The following COL22A1 variants were observed in gnomAD, a reference collection of about 807,000 sequenced individuals.
COL22A1 encodes collagen type XXII alpha 1 chain, also known as collagen alpha-1(XXII) chain.
A neutral mutation model predicts 248.9 loss-of-function variants in COL22A1; 221 were observed. That is an observed-to-expected ratio of 0.89 (90% CI 0.80 to 0.99). COL22A1 has a LOEUF of 0.99. COL22A1 is among the 50% of genes least tolerant of loss of function. The probability of loss-of-function intolerance (pLI) is 0.00; values close to 1 mark genes in which losing one functional copy is unlikely to be tolerated. For missense variants in COL22A1, 2,240 were observed against 2,179.0 expected (o/e 1.03, Z -0.56); for synonymous variants, 891 against 793.4 (o/e 1.12, Z -2.07).
At chr8:138,646,750 A>G in intron 46 of COL22A1, 68 bp from the exon 47 acceptor site, 1 of 1,181,622 alleles carries the variant, frequency 8.5e-7, no homozygotes, top group Non-Finnish European at 1.2e-6. Flanking sequence ...CAGGGTCATC[A>G]CCATGCCATC....
intron 1 of COL22A1, among the ~76,000 whole-genome samples, chr8:138,902,737 T>TACAC (rs777413704): frequency 0.041 from 4,431 of 106,906 alleles, 107 homozygotes; most frequent in Middle Eastern, 0.068. Context: ...TATATATATA[T>TACAC]ATACACACAC....
chr8:138,703,475 G>A, intron 30 of COL22A1, 128 bp from the exon 31 acceptor site: 1 of 754,248 alleles, frequency 1.3e-6, no homozygotes. Context: ...GTGCAGGTAG[G>A]TGCACCCTGC....
At chr8:138,725,671 G>A (rs186238003) in intron 23 of COL22A1, among the ~76,000 whole-genome samples, 8 of 152,168 alleles carry the variant, frequency 5.3e-5, no homozygotes, top group Non-Finnish European at 2.9e-5. Context: ...GCATGCCATC[G>A]CCTGTAATAT....
intron 30 of COL22A1, among the ~76,000 whole-genome samples, chr8:138,705,594 C>T (rs1828359945): frequency 6.6e-6 from 1 of 152,144 alleles, no homozygotes; most frequent in African/African-American, 2.4e-5. Context: ...GAGATTTTGT[C>T]ACCACCAGGC....
intron 49 of COL22A1, among the ~76,000 whole-genome samples, chr8:138,632,580 G>A (rs778801074): frequency 2.6e-5 from 4 of 152,096 alleles, no homozygotes; most frequent in Non-Finnish European, 4.4e-5. Flanking sequence ...TTTATCAAGC[G>A]CCTAAACTGT....
intron 47 of COL22A1, among the ~76,000 whole-genome samples, chr8:138,638,164 C>T (rs1442066841): frequency 2.0e-5 from 3 of 152,148 alleles, no homozygotes. Flanking sequence ...TCCAAAGGTT[C>T]AAATTCTTTA....
chr8:138,810,077 G>T (rs1308430457), intron 9 of COL22A1, among the ~76,000 whole-genome samples: 1 of 152,128 alleles, frequency 6.6e-6, no homozygotes, highest in Non-Finnish European at 1.5e-5. Flanking sequence ...CATGGAAATA[G>T]CAGGTGCTAA....
At chr8:138,602,977 A>G (rs926868442) in intron 59 of COL22A1, among the ~76,000 whole-genome samples, 1 of 152,206 alleles carries the variant, frequency 6.6e-6, no homozygotes, top group South Asian at 2.1e-4. Flanking sequence ...GACAGCACAC[A>G]TTTGGAAAGC....
chr8:138,868,355 C>G (rs867307852), intron 3 of COL22A1, among the ~76,000 whole-genome samples: 1 of 152,072 alleles, frequency 6.6e-6, no homozygotes, highest in Non-Finnish European at 1.5e-5. Context: ...ATCTTAGATA[C>G]TATAATAGCC....
rs115421380 is a variant in COL22A1, at chr8:138,611,698, G to A, written c.3978+2169C>T. Among the ~76,000 whole-genome samples the A allele has an allele frequency of 6.2e-3, 946 of 152,348 alleles. 12 individuals carry two copies. Among genetic ancestry groups the A allele is most frequent in the African/African-American group, 0.022 (911 of 41,574 alleles). On this transcript the variant is annotated intron_variant, in intron 56 of 64. Coordinates refer to ENST00000303045, the MANE Select transcript of COL22A1 (RefSeq NM_152888.3). ...CGTGGGGTTGATATCACCCCACTGA[G>A]AGCTCACACCCAGGGAGCCTGGGCT...
At chr8:138,602,016 T>G in intron 60 of COL22A1, 99 bp downstream of exon 60, 1 of 1,307,496 alleles carries the variant, frequency 7.6e-7, no homozygotes, top group Non-Finnish European at 1.1e-6. Flanking sequence ...CAGGCGGGTG[T>G]TTACTAACTG....
Position 138,775,833 on chromosome 8 carries a change from TACACACATGTGCACACATGCAC to T in COL22A1, c.1803+111_1803+132del, listed in dbSNP as rs1012059138. On this transcript the variant is annotated intron_variant, in intron 16 of 64. Coordinates refer to ENST00000303045, the MANE Select transcript of COL22A1 (RefSeq NM_152888.3). ...ACACATACACATGCAAATATACATG[TACACACATGTGCACACATGCAC>T]ACACAAATGTGTACACACACACACG... 76 of 882,360 alleles carry T rather than the reference TACACACATGTGCACACATGCAC, an allele frequency of 8.6e-5. No homozygotes were observed. The African/African-American group carries it at 1.2e-3, about 14-fold the overall frequency. The allele number at this position is 882,360 out of a possible 1,614,324, so 54.7% of individuals were successfully genotyped here. A position where few individuals can be genotyped will look rare whatever the true frequency, so the allele number is the denominator to read the frequency against.
At chr8:138,599,074 G>T (rs1051540673) in intron 60 of COL22A1, among the ~76,000 whole-genome samples, 176 bp from the exon 61 acceptor site, 1 of 152,240 alleles carries the variant, frequency 6.6e-6, no homozygotes, top group African/African-American at 2.4e-5. Context: ...CACATGCACT[G>T]TCCTGATTGT....
At chr8:138,665,704 C>A (rs1824444961) in intron 41 of COL22A1, among the ~76,000 whole-genome samples, 1 of 151,992 alleles carries the variant, frequency 6.6e-6, no homozygotes, top group African/African-American at 2.4e-5. Context: ...ACCACAAGGA[C>A]ATAACAAGTG....
intron 5 of COL22A1, among the ~76,000 whole-genome samples, chr8:138,829,496 C>T (rs538633760): frequency 4.7e-5 from 7 of 149,294 alleles, no homozygotes; most frequent in East Asian, 2.0e-4. Flanking sequence ...AACTGCCTCC[C>T]GGGCTCAACC....
chr8:138,710,987 C>T (rs1405794851), intron 30 of COL22A1, among the ~76,000 whole-genome samples: 1 of 152,124 alleles, frequency 6.6e-6, no homozygotes, highest in Non-Finnish European at 1.5e-5. Flanking sequence ...ATGTGTCTCT[C>T]ACCCTGAGGG....
At chr8:138,617,159 C>G (rs1379058282) in intron 53 of COL22A1, among the ~76,000 whole-genome samples, 2 of 152,204 alleles carry the variant, frequency 1.3e-5, no homozygotes, top group Non-Finnish European at 2.9e-5. Flanking sequence ...TCCCAGCCCC[C>G]TCTATGCTGT....
rs1564097760 is a variant in COL22A1, at chr8:138,613,867, CG to C, written c.3977del (p.Pro1326ArgfsTer102). On this transcript the variant is annotated frameshift_variant and splice_region_variant, in exon 56 of 65. Transcript: ENST00000303045. LOFTEE classifies it high-confidence loss of function. Reference sequence around the variant, plus strand: ...ACATTAGTCGCAAAGCAAAACTCACCGGTGGGCCCCTTGGTCCTTGGGGACC... The same window carrying C: ...ACATTAGTCGCAAAGCAAAACTCACCGTGGGCCCCTTGGTCCTTGGGGACC... ...PQGPQGPRGP[P>X]GKNGSPGSPG... is the part of the protein sequence containing the mutation. The C allele has an allele frequency of 6.2e-7, 1 of 1,613,666 alleles. No individual in the cohort carries two copies. Among genetic ancestry groups the C allele is most frequent in the Admixed American group, 1.7e-5 (1 of 60,032 alleles).
chr8:138,860,611 C>A (rs1338866210), intron 3 of COL22A1, among the ~76,000 whole-genome samples: 2 of 152,162 alleles, frequency 1.3e-5, no homozygotes, highest in Non-Finnish European at 2.9e-5. Context: ...AGTTCAAGAC[C>A]AGCCTGGGCA....
Sources: gnomAD v4.1 joint callset for allele counts (sites outside exome capture counted in the v4.1 genomes callset) on GRCh38, gnomAD v4.1.1 for gene constraint, MANE v1.5 for transcripts, NCBI Gene and HGNC (gene_info 2026-07-23, HGNC 2026-07-21) for gene names.